STK33: variants seen among roughly 807,000 people sequenced by gnomAD.
The protein encoded by STK33 is serine/threonine kinase 33, also known as serine/threonine-protein kinase 33.
A neutral mutation model predicts 58.0 loss-of-function variants in STK33; 52 were observed. That is an observed-to-expected ratio of 0.90 (90% CI 0.72 to 1.13). The LOEUF is 1.13. STK33 is among the 50% of genes most tolerant of loss of function. The probability of loss-of-function intolerance (pLI) is 0.00; values close to 1 mark genes in which losing one functional copy is unlikely to be tolerated. For missense variants in STK33, 630 were observed against 604.2 expected, an observed-to-expected ratio of 1.04 and a Z score of -0.45; for synonymous variants, 215 against 200.1, an observed-to-expected ratio of 1.07 and a Z score of -0.63.
chr11:8,471,965 G>A (rs145921329), intron 6 of STK33, among the ~76,000 whole-genome samples: 31 of 151,916 alleles, frequency 2.0e-4, no homozygotes, highest in East Asian at 1.7e-3. Context: ...TCACTCTGTC[G>A]CCCAGGCTAG....
chr11:8,366,516 G>T, the STK33 span, among the ~76,000 whole-genome samples: 1 of 152,222 alleles, frequency 6.6e-6, no homozygotes, highest in African/African-American at 2.4e-5. Flanking sequence ...TGAGTCCTGA[G>T]TGCCCAGGTG....
chr11:8,342,749 C>G, the STK33 span, among the ~76,000 whole-genome samples: 1,506 of 152,330 alleles, frequency 9.9e-3, 15 homozygotes, highest in African/African-American at 0.033. Flanking sequence ...GGTCACACAG[C>G]TAGTAAGCAT....
intron 1 of STK33, among the ~76,000 whole-genome samples, chr11:8,526,884 A>T (rs567537581): frequency 5.0e-5 from 5 of 100,498 alleles, no homozygotes; most frequent in Non-Finnish European, 7.3e-5. Flanking sequence ...TTTATATGTT[A>T]AAAAAAAAAG....
At chr11:8,480,967 A>C (rs1409994318) in intron 1 of STK33, among the ~76,000 whole-genome samples, 2 of 152,188 alleles carry the variant, frequency 1.3e-5, no homozygotes, top group African/African-American at 4.8e-5. Context: ...TTTTTCACTA[A>C]TAAATATATT....
intron 1 of STK33, among the ~76,000 whole-genome samples, chr11:8,518,568 C>G (rs1953047995): frequency 6.6e-6 from 1 of 152,174 alleles, no homozygotes; most frequent in Non-Finnish European, 1.5e-5. Context: ...GAGTCAAGAT[C>G]CATCAGTGTG....
intron 9 of STK33, among the ~76,000 whole-genome samples, chr11:8,455,764 T>A (rs1591212624): frequency 7.4e-6 from 1 of 135,926 alleles, no homozygotes; most frequent in East Asian, 2.1e-4. Context: ...TGAGCCGAGA[T>A]CGTGTCACTG....
At chr11:8,407,390 A>T (rs1408304394) in intron 15 of STK33, among the ~76,000 whole-genome samples, 2 of 152,122 alleles carry the variant, frequency 1.3e-5, no homozygotes, top group African/African-American at 4.8e-5. Context: ...AATATTCTCA[A>T]GAGTTGGTGT....
intron 1 of STK33, among the ~76,000 whole-genome samples, chr11:8,491,992 G>A (rs577732927): frequency 9.9e-5 from 15 of 152,254 alleles, no homozygotes; most frequent in Middle Eastern, 3.4e-3. Flanking sequence ...GCAAAAACAC[G>A]CCAAATTGTA....
At chr11:8,386,016 A>G in the STK33 span, among the ~76,000 whole-genome samples, 2 of 150,790 alleles carry the variant, frequency 1.3e-5, no homozygotes, top group Non-Finnish European at 1.5e-5. Context: ...CTCGTGATCC[A>G]CCCACCTTGG....
the STK33 span, among the ~76,000 whole-genome samples, chr11:8,379,404 G>A: frequency 1.3e-5 from 2 of 151,878 alleles, no homozygotes; most frequent in Admixed American, 6.6e-5. Flanking sequence ...ATCAAACGAA[G>A]AACTAATATC....
At chr11:8,536,112 G>A (rs1375969882) in intron 1 of STK33, among the ~76,000 whole-genome samples, 2 of 152,168 alleles carry the variant, frequency 1.3e-5, no homozygotes, top group Non-Finnish European at 2.9e-5. Flanking sequence ...AACGTGGGGA[G>A]GAGGGAGGAT....
chr11:8,388,103 C>T (rs1848569176), downstream of STK33, among the ~76,000 whole-genome samples: 1 of 152,190 alleles, frequency 6.6e-6, no homozygotes. Context: ...AGGACAGGAC[C>T]TGATGCATGT....
the STK33 span, among the ~76,000 whole-genome samples, chr11:8,367,657 C>G: frequency 6.6e-6 from 1 of 152,180 alleles, no homozygotes; most frequent in African/African-American, 2.4e-5. Flanking sequence ...GCTACACACA[C>G]TCACATAATC....
At chr11:8,459,396 G>A (rs1947252355) in intron 8 of STK33, among the ~76,000 whole-genome samples, 1 of 151,998 alleles carries the variant, frequency 6.6e-6, no homozygotes, top group South Asian at 2.1e-4. Context: ...GCAATACATT[G>A]GAAAAATCAC....
chr11:8,441,359 T>A (rs927604007), intron 11 of STK33, among the ~76,000 whole-genome samples: 3 of 146,908 alleles, frequency 2.0e-5, no homozygotes, highest in Non-Finnish European at 4.5e-5. Flanking sequence ...GTGTGTGTAT[T>A]TTTTTTTTTT....
Position 8,464,702 on chromosome 11 carries a change from G to C in STK33, c.453+7C>G. 3 of 1,602,468 alleles carry C rather than the reference G, an allele frequency of 1.9e-6. No individual in the cohort carries two copies. In the South Asian group the frequency reaches 3.3e-5, roughly 18 times the overall value. On this transcript the variant is annotated splice_region_variant and intron_variant, in intron 7 of 15. Transcript: ENST00000687296. ...GCCCTCAGTAGGATGCTGCTAATGA[G>C]CCTTACCTTTTCTTTGTTCACTTTT...
intron 1 of STK33, among the ~76,000 whole-genome samples, chr11:8,565,427 A>T (rs1176632658): frequency 2.0e-5 from 3 of 152,150 alleles, no homozygotes; most frequent in African/African-American, 7.2e-5. Flanking sequence ...TGGGGCAAAA[A>T]AAGAAATACC....
At chr11:8,412,621 A>G (rs1195427664) in intron 15 of STK33, among the ~76,000 whole-genome samples, 2 of 152,194 alleles carry the variant, frequency 1.3e-5, no homozygotes, top group African/African-American at 2.4e-5. Context: ...CACTCTGCCT[A>G]ATTCTGATTT....
At chr11:8,465,703 T>C (rs531757887) in intron 6 of STK33, 8 of 152,640 alleles carry the variant, frequency 5.2e-5, no homozygotes, top group Admixed American at 3.9e-4. Flanking sequence ...TTGGGTCAGC[T>C]AGTCAAAGCC....
Sources: allele counts gnomAD v4.1 joint callset (sites outside exome capture counted in the v4.1 genomes callset), GRCh38; gene constraint gnomAD v4.1.1; transcripts MANE v1.5; gene names NCBI Gene and HGNC (gene_info 2026-07-23, HGNC 2026-07-21).